Variants in CTNNBL1 observed in about 807,000 individuals in gnomAD.
CTNNBL1 encodes beta-catenin-like protein 1.
In CTNNBL1, 31 loss-of-function variants were observed where a neutral mutation model predicts 72.7. That is an observed-to-expected ratio of 0.43 (90% CI 0.32 to 0.58). The LOEUF is 0.58. Ranked by LOEUF, CTNNBL1 falls within the 20% of genes least tolerant of loss-of-function variation. The probability of loss-of-function intolerance (pLI) is 0.08; values close to 1 mark genes in which losing one functional copy is unlikely to be tolerated. For missense variants in CTNNBL1, 534 were observed against 725.1 expected (o/e 0.74, Z 3.03); for synonymous variants, 240 against 267.3 (o/e 0.90, Z 1.00).
chr20:37,796,508 C>A (rs1387765714), intron 10 of CTNNBL1, among the ~76,000 whole-genome samples: 1 of 151,526 alleles, frequency 6.6e-6, no homozygotes, highest in Admixed American at 6.6e-5. Context: ...CTTGTTACCC[C>A]ATTTTGGCCC....
chr20:37,716,365 G>A (rs2072986140), intron 1 of CTNNBL1, among the ~76,000 whole-genome samples: 1 of 152,190 alleles, frequency 6.6e-6, no homozygotes, highest in African/African-American at 2.4e-5. Context: ...TGGCCAAGAC[G>A]CATTTGCCCA....
intron 3 of CTNNBL1, among the ~76,000 whole-genome samples, chr20:37,738,955 G>C (rs1261593112): frequency 6.6e-6 from 1 of 152,164 alleles, no homozygotes; most frequent in African/African-American, 2.4e-5. Flanking sequence ...GGAGAATGTG[G>C]TTACTGGGCC....
chr20:37,792,988 C>T (rs2073738802), intron 10 of CTNNBL1, among the ~76,000 whole-genome samples: 1 of 152,180 alleles, frequency 6.6e-6, no homozygotes, highest in Non-Finnish European at 1.5e-5. Context: ...TCATACCATT[C>T]ATTGTGGTCA....
intron 11 of CTNNBL1, among the ~76,000 whole-genome samples, chr20:37,803,729 G>A (rs890544308): frequency 6.6e-6 from 1 of 152,196 alleles, no homozygotes; most frequent in Non-Finnish European, 1.5e-5. Context: ...ATGGTTGGAT[G>A]GTTATTTTAA....
intron 7 of CTNNBL1, among the ~76,000 whole-genome samples, chr20:37,775,962 G>A (rs2073569955): frequency 6.6e-6 from 1 of 152,158 alleles, no homozygotes; most frequent in African/African-American, 2.4e-5. Context: ...AGCAGTACTT[G>A]GAACTTACAT....
At chr20:37,796,112 G>A (rs1171800603) in intron 10 of CTNNBL1, among the ~76,000 whole-genome samples, 1 of 152,118 alleles carries the variant, frequency 6.6e-6, no homozygotes, top group Non-Finnish European at 1.5e-5. Context: ...GAATTAATAA[G>A]ACTTTTCTAC....
chr20:37,792,612 A>G (rs2073735404), intron 10 of CTNNBL1, among the ~76,000 whole-genome samples: 1 of 152,214 alleles, frequency 6.6e-6, no homozygotes, highest in Admixed American at 6.5e-5. Flanking sequence ...AGCATTTTGA[A>G]TTTTAGATTT....
chr20:37,708,256 G>T (rs988348586), intron 1 of CTNNBL1, among the ~76,000 whole-genome samples: 1 of 151,584 alleles, frequency 6.6e-6, no homozygotes, highest in African/African-American at 2.4e-5. Flanking sequence ...GCAGGATCAT[G>T]GTTCCCTGCA....
At chr20:37,706,400 T>C (rs924479897) in intron 1 of CTNNBL1, among the ~76,000 whole-genome samples, 1 of 152,260 alleles carries the variant, frequency 6.6e-6, no homozygotes, top group Non-Finnish European at 1.5e-5. Context: ...TCTAAGTTCA[T>C]GTAATATTCT....
In CTNNBL1 at chr20:37,732,874, C is replaced by T. The variant is rs772467046; in HGVS notation, c.31-5C>T. Reference sequence around the variant, plus strand: ...CTCTAAAATCTTATGTTTCTTTTCTCTCAGCCCAATAGGGGCACAAAACGT... The same window carrying T: ...CTCTAAAATCTTATGTTTCTTTTCTTTCAGCCCAATAGGGGCACAAAACGT... On this transcript the variant is annotated splice_region_variant and splice_polypyrimidine_tract_variant and intron_variant, in intron 1 of 15. Transcript: ENST00000361383. 2.5e-6 allele frequency: 4 copies of T among 1,611,830 alleles called. No individual in the cohort carries two copies. The highest frequency in any genetic ancestry group is 2.2e-5 in the South Asian group (2 of 90,924).
At chr20:37,704,712 A>G (rs1029642053) in intron 1 of CTNNBL1, among the ~76,000 whole-genome samples, 1 of 148,216 alleles carries the variant, frequency 6.7e-6, no homozygotes, top group Non-Finnish European at 1.5e-5. Context: ...TCCTGTCTCA[A>G]AAAAAAAAAA....
At chr20:37,729,133 A>G (rs1345672164) in intron 1 of CTNNBL1, among the ~76,000 whole-genome samples, 1 of 152,224 alleles carries the variant, frequency 6.6e-6, no homozygotes, top group Non-Finnish European at 1.5e-5. Flanking sequence ...ACATATTTAT[A>G]GGTGGATGTT....
intron 11 of CTNNBL1, among the ~76,000 whole-genome samples, chr20:37,823,372 G>T (rs1391353383): frequency 3.9e-5 from 6 of 152,232 alleles, no homozygotes; most frequent in African/African-American, 1.4e-4. Flanking sequence ...TCAAGAAAGT[G>T]AACATAAGGC....
chr20:37,862,602 G>A (rs2122866449), intron 15 of CTNNBL1, among the ~76,000 whole-genome samples: 1 of 152,260 alleles, frequency 6.6e-6, no homozygotes, highest in East Asian at 1.9e-4. Context: ...TGATTGTTGA[G>A]TGAGTGCCTG....
intron 11 of CTNNBL1, among the ~76,000 whole-genome samples, chr20:37,826,853 T>C (rs2072164417): frequency 6.6e-6 from 1 of 152,248 alleles, no homozygotes; most frequent in East Asian, 1.9e-4. Context: ...ATTAACTGAG[T>C]GTCGTATGTA....
intron 2 of CTNNBL1, among the ~76,000 whole-genome samples, chr20:37,736,933 G>A (rs960733261): frequency 1.3e-5 from 2 of 152,092 alleles, no homozygotes; most frequent in East Asian, 3.9e-4. Context: ...GAGATAAAGT[G>A]TGTACTGTGG....
At chr20:37,757,514 C>T (rs1341982868) in intron 4 of CTNNBL1, 45 bp from the exon 5 acceptor site, 4 of 1,365,670 alleles carry the variant, frequency 2.9e-6, no homozygotes, top group Non-Finnish European at 4.2e-6. Context: ...AAGAAAAATA[C>T]TGGTACCGTT....
intron 1 of CTNNBL1, among the ~76,000 whole-genome samples, chr20:37,720,762 T>C (rs2073033817): frequency 6.6e-6 from 1 of 152,222 alleles, no homozygotes; most frequent in Admixed American, 6.5e-5. Flanking sequence ...AAATCTGTCT[T>C]TCATTGATTT....
chr20:37,857,548 C>G (rs749071485), intron 13 of CTNNBL1, among the ~76,000 whole-genome samples: 3 of 152,038 alleles, frequency 2.0e-5, no homozygotes, highest in Non-Finnish European at 4.4e-5. Context: ...TCATAGGAGC[C>G]GAGATGAAAA....
Sources: allele counts gnomAD v4.1 joint callset (sites outside exome capture counted in the v4.1 genomes callset), GRCh38; gene constraint gnomAD v4.1.1; transcripts MANE v1.5; gene names NCBI Gene and HGNC (gene_info 2026-07-23, HGNC 2026-07-21).